The following AP4E1 variants were observed in gnomAD, a reference collection of about 807,000 sequenced individuals.
AP4E1 encodes the protein AP-4 complex subunit epsilon-1.
A neutral mutation model predicts 128.2 loss-of-function variants in AP4E1; 56 were observed. The observed-to-expected ratio is 0.44, with a 90% CI of 0.35 to 0.55. AP4E1 has a LOEUF of 0.55. Ranked by LOEUF, AP4E1 falls within the 20% of genes least tolerant of loss-of-function variation. AP4E1 has a pLI of 0.00. For missense variants in AP4E1, 1,324 were observed against 1,307.7 expected, an observed-to-expected ratio of 1.01 and a Z score of -0.19; for synonymous variants, 484 against 473.1, an observed-to-expected ratio of 1.02 and a Z score of -0.30.
intron 13 of AP4E1, among the ~76,000 whole-genome samples, chr15:50,957,671 C>CTTTTTTTTTTT (rs61656848): frequency 3.4e-5 from 3 of 88,004 alleles, no homozygotes; most frequent in African/African-American, 9.8e-5. Flanking sequence ...ACAAGCGTTT[C>CTTTTTTTTTTT]TTTTTTTTTT....
At chr15:50,953,476 T>C (rs1476131750) in intron 13 of AP4E1, among the ~76,000 whole-genome samples, 2 of 152,216 alleles carry the variant, frequency 1.3e-5, no homozygotes, top group African/African-American at 4.8e-5. Flanking sequence ...GATGAAATCT[T>C]GAGCCATCCT....
intron 13 of AP4E1, 22 bp downstream of exon 13, chr15:50,950,191 A>G (rs1000547664): frequency 6.9e-7 from 1 of 1,439,422 alleles, no homozygotes; most frequent in Non-Finnish European, 9.7e-7. Flanking sequence ...ACCTTAAATC[A>G]TAAATTTTTA....
chr15:50,962,017 A>ACAATAC (rs1555458827), intron 14 of AP4E1, among the ~76,000 whole-genome samples: 3 of 150,856 alleles, frequency 2.0e-5, no homozygotes, highest in Non-Finnish European at 3.0e-5. Context: ...ATAAATAAAT[A>ACAATAC]AATACAATAC....
chr15:50,924,036 CAT>C (rs1281130679), intron 4 of AP4E1, 32 bp downstream of exon 4: 1 of 1,541,976 alleles, frequency 6.5e-7, no homozygotes, highest in African/African-American at 1.4e-5. Flanking sequence ...AATATGAAGT[CAT>C]AATTCTTGTC....
intron 3 of AP4E1, 161 bp downstream of exon 3, chr15:50,915,732 T>C (rs2063622451): frequency 1.1e-6 from 1 of 890,714 alleles, no homozygotes; most frequent in Non-Finnish European, 1.7e-6. Flanking sequence ...AAGCCATTTA[T>C]AGGAAATCAG....
intron 15 of AP4E1, among the ~76,000 whole-genome samples, chr15:50,978,597 T>A (rs2064591453): frequency 6.6e-6 from 1 of 152,200 alleles, no homozygotes; most frequent in Non-Finnish European, 1.5e-5. Flanking sequence ...TAGTTTATAC[T>A]TTATTATGTC....
chr15:50,923,966 C>T lies in AP4E1; in HGVS notation c.382C>T (p.His128Tyr), dbSNP rs2063738778. 6.2e-7 allele frequency: 1 copy of T among 1,612,064 alleles called. No homozygotes were observed. The highest frequency in any genetic ancestry group is 1.7e-5 in the Admixed American group (1 of 59,988). Residue 128 changes from histidine to tyrosine, a missense_variant, in exon 4 of 21, where the codon CAT becomes TAT. Physicochemically the swap from His to Tyr is moderately conservative, Grantham distance 83. Coordinates refer to ENST00000261842, the MANE Select transcript of AP4E1 (RefSeq NM_007347.5). ...LAVSLFLHESHELLLLLVNTV... is the reference protein window; with the variant it reads ...LAVSLFLHESYELLLLLVNTV... ...TGTTTCCTTATTTCTACATGAAAGT[C>T]ATGAATTATTGCTTCTCCTTGTGAA...
At chr15:50,974,414 A>G (rs1392503659) in intron 15 of AP4E1, among the ~76,000 whole-genome samples, 8 of 151,904 alleles carry the variant, frequency 5.3e-5, no homozygotes, top group South Asian at 4.1e-4. Flanking sequence ...TTCCAGGTGC[A>G]TGCCATCATG....
intron 1 of AP4E1, among the ~76,000 whole-genome samples, chr15:50,911,329 A>T (rs2063563920): frequency 1.3e-5 from 2 of 152,166 alleles, no homozygotes; most frequent in South Asian, 2.1e-4. Flanking sequence ...AGAAGAATGT[A>T]GTTTAAGGGA....
chr15:50,930,769 C>T (rs755049876), intron 6 of AP4E1, 36 bp from the exon 7 acceptor site: 72 of 1,593,416 alleles, frequency 4.5e-5, no homozygotes, highest in East Asian at 8.9e-5. Context: ...TTTAATAAGA[C>T]GTTATTAACA....
chr15:50,914,401 G>A (rs889223093), intron 2 of AP4E1, among the ~76,000 whole-genome samples: 6 of 151,830 alleles, frequency 4.0e-5, no homozygotes, highest in African/African-American at 1.2e-4. Flanking sequence ...CTGTAATCCC[G>A]GCAATTTGTG....
chr15:50,958,231 C>G (rs2064258027), intron 13 of AP4E1, among the ~76,000 whole-genome samples: 1 of 152,102 alleles, frequency 6.6e-6, no homozygotes, highest in Non-Finnish European at 1.5e-5. Context: ...AAACCAACAA[C>G]CAACTCCAGA....
At chr15:50,922,029 A>T (rs2063709097) in intron 3 of AP4E1, among the ~76,000 whole-genome samples, 1 of 151,930 alleles carries the variant, frequency 6.6e-6, no homozygotes, top group Admixed American at 6.6e-5. Context: ...TCTCTGCTTT[A>T]AATGCTTTCT....
rs560122346 is a variant in AP4E1 at position 51,003,990 on chromosome 15, C to T, written c.*1328C>T. 6.8e-4 allele frequency: 103 copies of T among 152,334 alleles called. No homozygotes were observed. Among genetic ancestry groups the T allele is most frequent in the African/African-American group, 2.4e-3 (100 of 41,552 alleles). 9.4% of individuals were successfully genotyped at this position (152,334 alleles called of 1,614,324 possible). The stretch of plus-strand genomic sequence containing the variant: ...AGTCATTTGTGTCGAGTATTCCTCC[C>T]TAAAAACAAAAGCAGTATTTTCTTT... On this transcript the variant is annotated 3_prime_UTR_variant, in exon 21 of 21. Coordinates refer to ENST00000261842, the MANE Select transcript of AP4E1 (RefSeq NM_007347.5).
chr15:50,925,417 C>T (rs1011401038), intron 5 of AP4E1, among the ~76,000 whole-genome samples, 198 bp downstream of exon 5: 19 of 152,122 alleles, frequency 1.2e-4, no homozygotes, highest in African/African-American at 4.6e-4. Flanking sequence ...TAAAGTTAGA[C>T]TAAGAGACAG....
At chr15:50,956,313 CCTTCT>C (rs1031991962) in intron 13 of AP4E1, among the ~76,000 whole-genome samples, 2 of 152,062 alleles carry the variant, frequency 1.3e-5, no homozygotes, top group African/African-American at 4.8e-5. Flanking sequence ...ATTTCTTTTT[CCTTCT>C]CTTCTCTTCC....
rs1345711722 is a variant in AP4E1 at position 50,993,642 on chromosome 15, A to G, written c.2346+17A>G. ...ATCAACCTGGTAAGTAATCGGTTCTATTCCTGTAAGAATCTTTGTCATCTG... is the reference window on the plus strand; with the variant it reads ...ATCAACCTGGTAAGTAATCGGTTCTGTTCCTGTAAGAATCTTTGTCATCTG... On this transcript the variant is annotated intron_variant, in intron 17 of 20. Transcript: ENST00000261842. The G allele has an allele frequency of 1.9e-6, 3 of 1,613,546 alleles. No homozygotes were observed. The highest frequency in any genetic ancestry group is 2.2e-5 in the East Asian group (1 of 44,860).
intron 15 of AP4E1, among the ~76,000 whole-genome samples, chr15:50,982,265 A>G (rs537781619): frequency 2.6e-5 from 4 of 152,124 alleles, no homozygotes; most frequent in African/African-American, 9.7e-5. Context: ...TCTGTTCATT[A>G]TAAATCACCT....
chr15:50,908,823 C>T lies in AP4E1; in HGVS notation c.45C>T (p.Leu15=), dbSNP rs760224898. ...AGACGCTGACGGCGCTGCCGGGACT[C>T]TTTCTGCAGAACCAGCCCGGTGGTG... ...VEKTLTALPG[L]FLQNQPGGGP... Residue 15 remains leucine (L), a synonymous_variant, in exon 1 of 21, where the codon CTC becomes CTT. Coordinates refer to ENST00000261842, the MANE Select transcript of AP4E1 (RefSeq NM_007347.5). The T allele has an allele frequency of 6.2e-7, 1 of 1,606,306 alleles. No individual in the cohort carries two copies. Among genetic ancestry groups the T allele is most frequent in the East Asian group, 2.2e-5 (1 of 44,586 alleles).
Sources: gnomAD v4.1 joint callset for allele counts (sites outside exome capture counted in the v4.1 genomes callset) on GRCh38, gnomAD v4.1.1 for gene constraint, MANE v1.5 for transcripts, NCBI Gene and HGNC (gene_info 2026-07-23, HGNC 2026-07-21) for gene names.